Variants in SCP2 observed in about 807,000 individuals in gnomAD.
SCP2 encodes sterol carrier protein 2, also known as SCP-2/3-oxoacyl-CoA thiolase.
In SCP2, 48 loss-of-function variants were observed where a neutral mutation model predicts 71.4. The ratio of observed to expected loss-of-function variants is 0.67; its 90% CI spans 0.53 to 0.86. The LOEUF is 0.86. SCP2 is among the 40% of genes least tolerant of loss of function. The pLI, the probability that SCP2 is intolerant of heterozygous loss-of-function variation, is 0.00. For missense variants in SCP2, 560 were observed against 655.6 expected (o/e 0.85, Z 1.59); for synonymous variants, 220 against 218.1 (o/e 1.01, Z -0.08).
chr1:52,959,605 T>C (rs1188214808), intron 5 of SCP2, among the ~76,000 whole-genome samples: 1 of 152,118 alleles, frequency 6.6e-6, no homozygotes, highest in Admixed American at 6.5e-5. Flanking sequence ...TATATAAATA[T>C]ATTACTATTG....
chr1:52,992,624 T>C (rs1659599731), intron 11 of SCP2, among the ~76,000 whole-genome samples: 1 of 152,222 alleles, frequency 6.6e-6, no homozygotes, highest in African/African-American at 2.4e-5. Context: ...ATGAGCAGTT[T>C]TTAATCCATA....
chr1:52,931,837 A>C (rs547069589), intron 1 of SCP2, among the ~76,000 whole-genome samples: 1 of 152,214 alleles, frequency 6.6e-6, no homozygotes, highest in Non-Finnish European at 1.5e-5. Flanking sequence ...ACTTTGGAGG[A>C]GGGATCAGAA....
intron 15 of SCP2, 78 bp from the exon 16 acceptor site, chr1:53,050,531 A>T: frequency 1.1e-6 from 1 of 884,416 alleles, no homozygotes; most frequent in Non-Finnish European, 1.9e-6. Context: ...AAATGATCTC[A>T]GGGCTAGATA....
Position 52,962,419 on chromosome 1 carries a change from A to G in SCP2, c.523+790A>G, listed in dbSNP as rs1284800588. 3.3e-5 allele frequency among the ~76,000 whole-genome samples: 5 copies of G among 152,092 alleles called. No individual in the cohort carries two copies. In the East Asian group the frequency reaches 9.6e-4, roughly 29 times the overall value. On this transcript the variant is annotated intron_variant, in intron 6 of 15. Transcript: ENST00000371514. Reference sequence around the variant, plus strand: ...TCTCTACTTCTGCTTGTGCACCTCCAGAGTCAATTCTCTACTTTATAGCCA... The same window carrying G: ...TCTCTACTTCTGCTTGTGCACCTCCGGAGTCAATTCTCTACTTTATAGCCA...
At chr1:53,041,188 G>A (rs1009541940) in intron 14 of SCP2, among the ~76,000 whole-genome samples, 1 of 152,114 alleles carries the variant, frequency 6.6e-6, no homozygotes, top group Admixed American at 6.5e-5. Context: ...CGGATTACGA[G>A]ATCAGGAGTT....
chr1:53,014,914 G>A lies in SCP2; in HGVS notation c.1106G>A (p.Cys369Tyr), dbSNP rs1426468515. The change falls in exon 12 of 16, where the codon TGC (cysteine) becomes TAC (tyrosine). Residue 369 changes from cysteine to tyrosine, a missense_variant. Transcript: ENST00000371514. ...GGTCTTGCTCAGTGTGCAGAACTCTGCTGGCAGCTGAGAGGGGAAGCCGGA... is the reference window on the plus strand; with the variant it reads ...GGTCTTGCTCAGTGTGCAGAACTCTACTGGCAGCTGAGAGGGGAAGCCGGA... The part of the protein sequence containing the change: ...ATGLAQCAEL[C>Y]WQLRGEAGKR... 8 of 1,613,450 alleles carry A rather than the reference G, an allele frequency of 5.0e-6. No individual in the cohort carries two copies. Among genetic ancestry groups the A allele is most frequent in the Non-Finnish European group, 6.8e-6 (8 of 1,179,910 alleles).
chr1:52,976,746 T>C lies in SCP2; in HGVS notation c.651T>C (p.Asp217=). The part of the protein sequence containing the change: ...DEVMASKEVF[D]FLTILQCCPT... ...TGATGGCATCTAAAGAAGTTTTTGA[T>C]TTTTTGACTATCTTACAATGTTGGT... Residue 217 remains aspartate, a synonymous_variant, in exon 8 of 16, where the codon GAT becomes GAC. Transcript: ENST00000371514. 1 of 1,536,428 alleles carries C rather than the reference T, an allele frequency of 6.5e-7. No individual in the cohort carries two copies. Among genetic ancestry groups the C allele is most frequent in the Non-Finnish European group, 9.0e-7 (1 of 1,109,932 alleles).
intron 14 of SCP2, among the ~76,000 whole-genome samples, chr1:53,039,641 C>T (rs796290556): frequency 1.3e-5 from 2 of 152,344 alleles, no homozygotes; most frequent in Admixed American, 6.5e-5. Flanking sequence ...TACACTTACA[C>T]GTTTTCCTTA....
intron 1 of SCP2, among the ~76,000 whole-genome samples, chr1:52,936,281 C>T (rs1036377837): frequency 2.8e-4 from 43 of 152,152 alleles, no homozygotes; most frequent in African/African-American, 9.9e-4. Context: ...GTAGATATAA[C>T]CTTCATAATC....
chr1:53,017,899 G>C (rs769767059), intron 12 of SCP2, among the ~76,000 whole-genome samples: 1 of 152,104 alleles, frequency 6.6e-6, no homozygotes, highest in African/African-American at 2.4e-5. Context: ...TTGTCACCCA[G>C]GCTGCAGTGC....
intron 11 of SCP2, chr1:52,995,800 C>T (rs1557596197): frequency 8.1e-6 from 7 of 862,544 alleles, no homozygotes; most frequent in South Asian, 2.8e-5. Flanking sequence ...TAATCGGCAG[C>T]AGCACGGCCA....
In SCP2 at chr1:52,941,778, C is replaced by T; in HGVS notation, c.70-18C>T. The T allele has an allele frequency of 2.0e-6, 3 of 1,518,198 alleles. No individual in the cohort carries two copies. The highest frequency in any genetic ancestry group is 1.1e-5 in the South Asian group (1 of 89,072). The allele number at this position is 1,518,198 out of a possible 1,614,324, so 94.0% of individuals were successfully genotyped here. A position where few individuals can be genotyped will look rare whatever the true frequency, so the allele number is the denominator to read the frequency against. ...AACTATACTTGTTTGTATTTATTAT[C>T]TCTTTCTATATCTCTAGTTTGTGAA... On this transcript the variant is annotated intron_variant, in intron 1 of 15. Coordinates refer to ENST00000371514, the MANE Select transcript of SCP2 (RefSeq NM_002979.5).
intron 6 of SCP2, chr1:52,963,727 G>A (rs1178292865): frequency 6.6e-6 from 1 of 152,128 alleles, no homozygotes; most frequent in African/African-American, 2.4e-5. Flanking sequence ...AGAGGTAAGT[G>A]TATGCCTATT....
Position 52,980,461 on chromosome 1 carries a change from T to A in SCP2, c.891T>A (p.Asn297Lys). 6.2e-7 allele frequency: 1 copy of A among 1,613,936 alleles called. No individual in the cohort carries two copies. The highest frequency in any genetic ancestry group is 2.2e-5 in the East Asian group (1 of 44,876). The change falls in exon 10 of 16, where the codon AAT becomes AAA. Residue 297 changes from asparagine to lysine, a missense_variant. Around this residue, in one of 3 missense-constraint regions of SCP2, gnomAD observed 513 missense variants for 573.1 expected, o/e 0.90. Transcript: ENST00000371514. ...KCYEKSGLTP[N>K]DIDVIELHDC... ...ATGAGAAATCTGGCCTGACACCAAATGATATTGACGTAATAGAACTTCACG... is the reference window on the plus strand; with the variant it reads ...ATGAGAAATCTGGCCTGACACCAAAAGATATTGACGTAATAGAACTTCACG...
intron 13 of SCP2, among the ~76,000 whole-genome samples, chr1:53,031,544 T>C (rs1662544867): frequency 2.6e-5 from 4 of 152,340 alleles, no homozygotes; most frequent in African/African-American, 9.6e-5. Flanking sequence ...TTTGTCCCTA[T>C]TAAGTTTGCC....
At chr1:52,945,414 G>T (rs1446337214) in intron 2 of SCP2, among the ~76,000 whole-genome samples, 1 of 151,992 alleles carries the variant, frequency 6.6e-6, no homozygotes, top group African/African-American at 2.4e-5. Context: ...AAATTGTTTG[G>T]AAAAGGGCCA....
chr1:53,028,421 G>A (rs1662287687), intron 13 of SCP2, among the ~76,000 whole-genome samples: 2 of 151,942 alleles, frequency 1.3e-5, no homozygotes, highest in Admixed American at 6.6e-5. Flanking sequence ...AATTAAAACG[G>A]TCTTACTTAA....
At chr1:53,038,043 G>A (rs1459027077) in intron 13 of SCP2, among the ~76,000 whole-genome samples, 1 of 151,118 alleles carries the variant, frequency 6.6e-6, no homozygotes, top group East Asian at 2.0e-4. Context: ...ACTTGGGGGA[G>A]GCTGAAGTAT....
At chr1:52,999,872 A>G (rs900869068) in intron 11 of SCP2, among the ~76,000 whole-genome samples, 1 of 141,984 alleles carries the variant, frequency 7.0e-6, no homozygotes, top group African/African-American at 2.7e-5. Context: ...GCTGGAGTAC[A>G]GTGGCATGAT....
Sources: allele counts gnomAD v4.1 joint callset (sites outside exome capture counted in the v4.1 genomes callset), GRCh38; gene constraint gnomAD v4.1.1; regional missense constraint gnomAD v4.1.1; transcripts MANE v1.5; gene names NCBI Gene and HGNC (gene_info 2026-07-23, HGNC 2026-07-21).